Variants in APBA1 observed in about 807,000 individuals in gnomAD.
APBA1 encodes the protein amyloid beta precursor protein binding family A member 1.
Under a neutral mutation model 86.6 loss-of-function variants are expected in APBA1, and 55 were observed. The ratio of observed to expected loss-of-function variants is 0.64; its 90% CI spans 0.51 to 0.80. The LOEUF is 0.80. Ranked by LOEUF, APBA1 falls within the 30% of genes least tolerant of loss-of-function variation. The probability of loss-of-function intolerance (pLI) is 0.00; values close to 1 mark genes in which losing one functional copy is unlikely to be tolerated. For synonymous variants in APBA1, 511 were observed against 493.9 expected (o/e 1.03, Z -0.46); for missense variants, 1,090 against 1,183.0 (o/e 0.92, Z 1.15).
At chr9:69,655,299 T>C (rs928101639) in intron 1 of APBA1, among the ~76,000 whole-genome samples, 9 of 152,094 alleles carry the variant, frequency 5.9e-5, no homozygotes, top group Admixed American at 3.9e-4. Flanking sequence ...TATATACACA[T>C]ATATACACAT....
At chr9:69,539,666 G>T (rs189622568) in intron 1 of APBA1, among the ~76,000 whole-genome samples, 1 of 152,164 alleles carries the variant, frequency 6.6e-6, no homozygotes, top group East Asian at 1.9e-4. Context: ...CAGCGTCTAC[G>T]CTCCTCCTGT....
At chr9:69,545,962 T>C (rs1215061696) in intron 1 of APBA1, among the ~76,000 whole-genome samples, 1 of 152,254 alleles carries the variant, frequency 6.6e-6, no homozygotes, top group Non-Finnish European at 1.5e-5. Context: ...GAGCTACTTC[T>C]GCTTTAGCTA....
At chr9:69,515,533 C>T (rs142606424) in intron 2 of APBA1, among the ~76,000 whole-genome samples, 146 of 152,236 alleles carry the variant, frequency 9.6e-4, no homozygotes, top group African/African-American at 2.8e-3. Flanking sequence ...TCTCATATGG[C>T]AACAGTCCTT....
intron 1 of APBA1, among the ~76,000 whole-genome samples, chr9:69,549,129 A>C (rs188959144): frequency 1.7e-4 from 26 of 152,350 alleles, no homozygotes; most frequent in Admixed American, 1.6e-3. Flanking sequence ...AATATATAGT[A>C]GTTACAGAAC....
chr9:69,584,634 A>G (rs1588378067), intron 1 of APBA1, among the ~76,000 whole-genome samples: 1 of 152,248 alleles, frequency 6.6e-6, no homozygotes, highest in East Asian at 1.9e-4. Flanking sequence ...TGCCAAGTAC[A>G]GAGTAAGCAT....
chr9:69,511,399 C>T (rs1836037113), intron 2 of APBA1, among the ~76,000 whole-genome samples: 1 of 152,152 alleles, frequency 6.6e-6, no homozygotes, highest in Non-Finnish European at 1.5e-5. Context: ...GTTAGAATGG[C>T]AATCACTAAA....
rs568098049 is a variant in APBA1, at chr9:69,481,731, C to T, written c.1201-5588G>A. Among the ~76,000 whole-genome samples the T allele has an allele frequency of 5.6e-4, 84 of 150,368 alleles. 3 individuals carry two copies. The South Asian group carries it at 0.017, about 31-fold the overall frequency. On this transcript the variant is annotated intron_variant, in intron 2 of 12. Transcript: ENST00000265381. ...CCTGACTTCAAACTATACTACAAGG[C>T]TACAGTAACCACAACAGCATGGTAC...
rs1349303612 is a variant in APBA1, at chr9:69,459,278, C to T, written c.1483-1090G>A. On this transcript the variant is annotated intron_variant, in intron 5 of 12. Transcript: ENST00000265381. ...ATATGCATTCCGTAGTTGTTAGGGA[C>T]AGTGTTCAATCAATGACAATTAGGT... Among the ~76,000 whole-genome samples, 3 of 152,200 alleles carry T rather than the reference C, an allele frequency of 2.0e-5. No homozygotes were observed. The East Asian group carries it at 5.8e-4, about 29-fold the overall frequency.
At chr9:69,567,384 CT>C (rs1837044842) in intron 1 of APBA1, among the ~76,000 whole-genome samples, 1 of 151,760 alleles carries the variant, frequency 6.6e-6, no homozygotes, top group African/African-American at 2.4e-5. Flanking sequence ...AACTGGAATT[CT>C]TTTTTTTCCT....
intron 1 of APBA1, among the ~76,000 whole-genome samples, chr9:69,558,666 C>T (rs7864173): frequency 0.51 from 76,359 of 150,982 alleles, 21,472 homozygotes; most frequent in East Asian, 0.82. Flanking sequence ...CACAGGGGCT[C>T]GTTGTACAGA....
At position 69,615,536 on chromosome 9, in the gene APBA1, G is replaced by T. The variant is rs145021252; in HGVS notation, c.-70+56617C>A. Among the ~76,000 whole-genome samples, 368 of 152,276 alleles carry T rather than the reference G, an allele frequency of 2.4e-3. 3 individuals carry two copies. Among genetic ancestry groups the T allele is most frequent in the African/African-American group, 7.4e-3 (309 of 41,570 alleles). On this transcript the variant is annotated intron_variant, in intron 1 of 12. Transcript: ENST00000265381. ...TGAGTGAGTAAAAATGCCATTTCAT[G>T]ATAGAAACCATAGGTAAAATCTGAA...
chr9:69,429,739 A>G lies in APBA1; in HGVS notation c.*1588T>C, dbSNP rs1400917859. 6.7e-6 allele frequency: 1 copy of G among 148,946 alleles called. No individual in the cohort carries two copies. The highest frequency in any genetic ancestry group is 2.5e-5 in the African/African-American group (1 of 40,350). The allele number at this position is 148,946 out of a possible 1,614,324, so 9.2% of individuals were successfully genotyped here. On this transcript the variant is annotated 3_prime_UTR_variant, in exon 13 of 13. Transcript: ENST00000265381. ...TTCTCTCTATAAATACATGCTACCCACCATTTGCTCACTGAGTTCCTATTT... is the reference window on the plus strand; with the variant it reads ...TTCTCTCTATAAATACATGCTACCCGCCATTTGCTCACTGAGTTCCTATTT...
At chr9:69,669,062 A>G (rs910472893) in intron 1 of APBA1, among the ~76,000 whole-genome samples, 60 of 152,310 alleles carry the variant, frequency 3.9e-4, no homozygotes, top group African/African-American at 1.3e-3. Context: ...TCTAAGACTT[A>G]GCATTCTTTG....
intron 1 of APBA1, among the ~76,000 whole-genome samples, chr9:69,551,552 CA>C (rs34220920): frequency 0.39 from 50,858 of 131,576 alleles, 10,019 homozygotes; most frequent in Middle Eastern, 0.49. Flanking sequence ...GACTCCGCCT[CA>C]AAAAAAAAAA....
intron 1 of APBA1, among the ~76,000 whole-genome samples, chr9:69,548,525 A>G (rs1836734791): frequency 6.6e-6 from 1 of 152,250 alleles, no homozygotes; most frequent in Non-Finnish European, 1.5e-5. Flanking sequence ...TCATAGCTTT[A>G]AGCAAGCTAA....
intron 11 of APBA1, among the ~76,000 whole-genome samples, chr9:69,436,945 A>G (rs1015144116): frequency 1.8e-4 from 27 of 152,138 alleles, no homozygotes; most frequent in South Asian, 8.3e-4. Flanking sequence ...TTTGAGATAC[A>G]TCCCATCAAT....
chr9:69,499,088 C>T (rs1020920818), intron 2 of APBA1, among the ~76,000 whole-genome samples: 3 of 152,036 alleles, frequency 2.0e-5, no homozygotes, highest in South Asian at 4.2e-4. Flanking sequence ...AAAGGGTATG[C>T]CAGCCCCATT....
At chr9:69,501,440 A>G (rs1196535383) in intron 2 of APBA1, among the ~76,000 whole-genome samples, 1 of 152,052 alleles carries the variant, frequency 6.6e-6, no homozygotes, top group Non-Finnish European at 1.5e-5. Context: ...TCAATTATCT[A>G]TGATATATCT....
At chr9:69,614,752 C>T (rs1822667910) in intron 1 of APBA1, among the ~76,000 whole-genome samples, 1 of 152,120 alleles carries the variant, frequency 6.6e-6, no homozygotes, top group South Asian at 2.1e-4. Context: ...AATGAAGAAA[C>T]TGATGAATTC....
Sources: allele counts gnomAD v4.1 joint callset (sites outside exome capture counted in the v4.1 genomes callset), GRCh38; gene constraint gnomAD v4.1.1; transcripts MANE v1.5; gene names NCBI Gene and HGNC (gene_info 2026-07-23, HGNC 2026-07-21).